Variants in LHFPL3 observed in about 807,000 individuals in gnomAD.
LHFPL3 encodes LHFPL tetraspan subfamily member 3.
Under a neutral mutation model 19.3 loss-of-function variants are expected in LHFPL3, and 5 were observed. The observed-to-expected ratio is 0.26, with a 90% confidence interval of 0.14 to 0.54. The LOEUF (loss-of-function observed/expected upper bound fraction) is 0.54, where lower values mean the gene tolerates loss of function less well. LHFPL3 is among the 20% of genes least tolerant of loss of function. The pLI is 0.94. For missense variants in LHFPL3, 249 were observed against 307.4 expected, an observed-to-expected ratio of 0.81 and a Z score of 1.42; for synonymous variants, 133 against 126.2, an observed-to-expected ratio of 1.05 and a Z score of -0.36.
intron 1 of LHFPL3, among the ~76,000 whole-genome samples, chr7:104,378,562 G>C (rs1440414000): frequency 6.6e-6 from 1 of 152,162 alleles, no homozygotes; most frequent in African/African-American, 2.4e-5. Context: ...AAACACATAA[G>C]AGTAGAATTT....
chr7:104,832,404 GGA>G (rs913558687), intron 2 of LHFPL3, among the ~76,000 whole-genome samples: 2 of 151,812 alleles, frequency 1.3e-5, no homozygotes, highest in Admixed American at 1.3e-4. Flanking sequence ...ATACAACAGA[GGA>G]GAGAGATTTT....
chr7:104,774,426 C>G (rs1794609104), intron 2 of LHFPL3, among the ~76,000 whole-genome samples: 3 of 152,172 alleles, frequency 2.0e-5, no homozygotes, highest in Admixed American at 2.0e-4. Context: ...TTAGATAACT[C>G]CTTCATTATC....
chr7:104,343,511 TCAAAAAAAAAAAAAAAAAAAAA>T (rs1562869877), intron 1 of LHFPL3, among the ~76,000 whole-genome samples: 1 of 16,788 alleles, frequency 6.0e-5, no homozygotes, highest in African/African-American at 2.0e-4. Context: ...AGACTCTGTC[TCAAAAAAAAAAAAAAAAAAAAA>T]AAAAAAAAAA....
intron 1 of LHFPL3, among the ~76,000 whole-genome samples, chr7:104,422,453 G>C (rs1584309086): frequency 6.6e-6 from 1 of 152,162 alleles, no homozygotes; most frequent in African/African-American, 2.4e-5. Flanking sequence ...AAGACAATTG[G>C]CATAGTTCTT....
intron 1 of LHFPL3, among the ~76,000 whole-genome samples, chr7:104,692,172 T>C (rs1172862149): frequency 1.3e-5 from 2 of 152,332 alleles, no homozygotes; most frequent in Non-Finnish European, 1.5e-5. Flanking sequence ...TTCAGTTTTA[T>C]GTATTCACAA....
At chr7:104,354,913 A>G (rs761272056) in intron 1 of LHFPL3, among the ~76,000 whole-genome samples, 2 of 152,194 alleles carry the variant, frequency 1.3e-5, no homozygotes, top group Non-Finnish European at 2.9e-5. Flanking sequence ...TATTAGTGAA[A>G]TATTTTATAT....
At chr7:104,643,543 G>A (rs912237138) in intron 1 of LHFPL3, among the ~76,000 whole-genome samples, 9 of 152,072 alleles carry the variant, frequency 5.9e-5, no homozygotes, top group African/African-American at 2.2e-4. Flanking sequence ...CAATCTCCAG[G>A]GTAAAACTAG....
intron 1 of LHFPL3, among the ~76,000 whole-genome samples, chr7:104,422,129 GGT>G (rs1419927598): frequency 6.6e-6 from 1 of 152,240 alleles, no homozygotes; most frequent in Non-Finnish European, 1.5e-5. Flanking sequence ...GGGAGGCTGA[GGT>G]GGGTGGATCA....
chr7:104,603,987 G>T (rs1791037137), intron 1 of LHFPL3, among the ~76,000 whole-genome samples: 1 of 152,176 alleles, frequency 6.6e-6, no homozygotes, highest in South Asian at 2.1e-4. Context: ...CAAGCTGGTA[G>T]TTCTACAGTT....
At chr7:104,829,256 AAAGG>A (rs1437948198) in intron 2 of LHFPL3, among the ~76,000 whole-genome samples, 2 of 151,824 alleles carry the variant, frequency 1.3e-5, no homozygotes, top group East Asian at 3.9e-4. Context: ...GGGGGCATAT[AAAGG>A]AAGAGAGTAG....
intron 1 of LHFPL3, among the ~76,000 whole-genome samples, chr7:104,580,536 C>T (rs1355106124): frequency 1.3e-5 from 2 of 152,058 alleles, no homozygotes; most frequent in African/African-American, 2.4e-5. Context: ...AGCACTTCAG[C>T]ATGCATATAA....
intron 1 of LHFPL3, among the ~76,000 whole-genome samples, chr7:104,526,518 G>T (rs572360583): frequency 6.6e-6 from 1 of 152,316 alleles, no homozygotes; most frequent in Non-Finnish European, 1.5e-5. Flanking sequence ...AGTAAATAAT[G>T]GCCAGTGCCA....
chr7:104,649,701 T>G (rs941928914), intron 1 of LHFPL3, among the ~76,000 whole-genome samples: 9 of 152,032 alleles, frequency 5.9e-5, no homozygotes, highest in Admixed American at 2.6e-4. Flanking sequence ...GAGGGAAGGA[T>G]TTGTGTGGGA....
chr7:104,384,182 T>C (rs936286086), intron 1 of LHFPL3, among the ~76,000 whole-genome samples: 73 of 152,114 alleles, frequency 4.8e-4, no homozygotes, highest in African/African-American at 1.5e-3. Context: ...GTGGAAGAGC[T>C]AGGGAGTAAG....
At chr7:104,848,650 G>A (rs1275576538) in intron 2 of LHFPL3, among the ~76,000 whole-genome samples, 2 of 87,194 alleles carry the variant, frequency 2.3e-5, no homozygotes, top group Non-Finnish European at 7.5e-5. Context: ...GAAGGGAAAA[G>A]GAGAAGGGGA....
At chr7:104,554,675 A>ATAGATAGATAGATAGATAGATAGT (rs1554406544) in intron 1 of LHFPL3, among the ~76,000 whole-genome samples, 134 of 151,278 alleles carry the variant, frequency 8.9e-4, no homozygotes, top group East Asian at 2.5e-3. Context: ...AGATAGATAG[A>ATAGATAGATAGATAGATAGATAGT]TAGATAGATA....
intron 2 of LHFPL3, among the ~76,000 whole-genome samples, chr7:104,772,431 C>T (rs1794569584): frequency 6.6e-6 from 1 of 152,198 alleles, no homozygotes; most frequent in Admixed American, 6.5e-5. Context: ...TATAGCCATG[C>T]AGCCCCTACG....
chr7:104,861,356 G>A (rs1466772147), intron 2 of LHFPL3, among the ~76,000 whole-genome samples: 2 of 152,146 alleles, frequency 1.3e-5, no homozygotes, highest in African/African-American at 2.4e-5. Context: ...TATATAAAAT[G>A]AGCAATAATG....
intron 1 of LHFPL3, among the ~76,000 whole-genome samples, chr7:104,702,210 G>A (rs1208186064): frequency 1.3e-5 from 2 of 152,110 alleles, no homozygotes; most frequent in Non-Finnish European, 2.9e-5. Flanking sequence ...TGAACTCATT[G>A]TTCTGATTCT....
Sources: allele counts gnomAD v4.1 joint callset (sites outside exome capture counted in the v4.1 genomes callset), GRCh38; gene constraint gnomAD v4.1.1; transcripts MANE v1.5; gene names NCBI Gene and HGNC (gene_info 2026-07-23, HGNC 2026-07-21).